The following MALRD1 variants were observed in gnomAD, a reference collection of about 807,000 sequenced individuals.
MALRD1 encodes the protein MAM and LDL-receptor class A domain-containing protein 1.
MALRD1 carries 247 observed loss-of-function variants against 242.1 expected under a neutral mutation model. That is an observed-to-expected ratio of 1.02 (90% CI 0.92 to 1.13). The LOEUF is 1.13. MALRD1 is among the 50% of genes most tolerant of loss of function. The pLI is 0.00. For synonymous variants in MALRD1, 995 were observed against 866.6 expected, an observed-to-expected ratio of 1.15 and a Z score of -2.60; for missense variants, 2,989 against 2,533.1, an observed-to-expected ratio of 1.18 and a Z score of -3.86.
chr10:19,349,636 T>C (rs1844285900), intron 25 of MALRD1, among the ~76,000 whole-genome samples: 1 of 152,196 alleles, frequency 6.6e-6, no homozygotes, highest in African/African-American at 2.4e-5. Context: ...GATAACTTAG[T>C]ACTTTCTCAG....
intron 29 of MALRD1, among the ~76,000 whole-genome samples, chr10:19,479,447 C>T (rs1836889407): frequency 6.6e-6 from 1 of 152,138 alleles, no homozygotes; most frequent in Admixed American, 6.5e-5. Flanking sequence ...AGGGTAAAGA[C>T]TGTGGTGCCA....
At chr10:19,582,226 A>C (rs963757094) in intron 33 of MALRD1, among the ~76,000 whole-genome samples, 2 of 151,992 alleles carry the variant, frequency 1.3e-5, no homozygotes, top group Non-Finnish European at 2.9e-5. Context: ...CTTTAGTTTA[A>C]TTAGATCCCA....
intron 31 of MALRD1, among the ~76,000 whole-genome samples, chr10:19,527,949 A>G (rs576974252): frequency 1.4e-5 from 2 of 146,568 alleles, no homozygotes; most frequent in Non-Finnish European, 3.0e-5. Context: ...GATTTAAAGA[A>G]AGTACGTTTT....
At chr10:19,499,379 GAACTTTGAGTAAA>G (rs1416248746) in intron 31 of MALRD1, among the ~76,000 whole-genome samples, 1 of 150,472 alleles carries the variant, frequency 6.6e-6, no homozygotes, top group African/African-American at 2.4e-5. Context: ...TTAAATTGAT[GAACTTTGAGTAAA>G]GTGGATTGCC....
intron 26 of MALRD1, among the ~76,000 whole-genome samples, chr10:19,385,315 A>T (rs1846029807): frequency 6.6e-6 from 1 of 152,056 alleles, no homozygotes; most frequent in African/African-American, 2.4e-5. Context: ...TTTGAGAAGG[A>T]TTAATGGCAA....
At chr10:19,293,413 C>G (rs1274308589) in intron 21 of MALRD1, among the ~76,000 whole-genome samples, 1 of 152,194 alleles carries the variant, frequency 6.6e-6, no homozygotes, top group East Asian at 1.9e-4. Flanking sequence ...TCCCTCTAAA[C>G]ACACAAAACA....
chr10:19,230,966 T>C (rs1325754996), intron 18 of MALRD1, among the ~76,000 whole-genome samples: 2 of 152,152 alleles, frequency 1.3e-5, no homozygotes, highest in Non-Finnish European at 2.9e-5. Context: ...CCATGAATAA[T>C]TGGTTGTGGA....
chr10:19,255,082 G>A (rs768611271), intron 18 of MALRD1, among the ~76,000 whole-genome samples: 9 of 151,960 alleles, frequency 5.9e-5, no homozygotes, highest in East Asian at 3.9e-4. Flanking sequence ...CTGTCTTTAC[G>A]TGGAGCAGGT....
intron 28 of MALRD1, among the ~76,000 whole-genome samples, chr10:19,398,591 T>C (rs1057010703): frequency 3.3e-5 from 5 of 152,142 alleles, no homozygotes; most frequent in Non-Finnish European, 7.4e-5. Context: ...TTGAAGAAAA[T>C]ACCAGAACTT....
chr10:19,161,510 AAT>A (rs1274659516), intron 12 of MALRD1, among the ~76,000 whole-genome samples: 46 of 133,034 alleles, frequency 3.5e-4, no homozygotes, highest in Admixed American at 6.7e-4. Flanking sequence ...TAATAAAAAA[AAT>A]AAATAAATAA....
At chr10:19,191,193 C>T (rs1818098669) in intron 14 of MALRD1, among the ~76,000 whole-genome samples, 2 of 152,140 alleles carry the variant, frequency 1.3e-5, no homozygotes, top group African/African-American at 2.4e-5. Context: ...ATGGACATTT[C>T]TCCAATAAGC....
intron 2 of MALRD1, among the ~76,000 whole-genome samples, chr10:19,076,231 TAA>T (rs1835312944): frequency 6.6e-6 from 1 of 152,050 alleles, no homozygotes; most frequent in Admixed American, 6.6e-5. Flanking sequence ...GTAATTTTGA[TAA>T]AGTCAAATTT....
intron 29 of MALRD1, among the ~76,000 whole-genome samples, chr10:19,481,454 G>C (rs980887706): frequency 6.6e-6 from 1 of 152,188 alleles, no homozygotes; most frequent in Non-Finnish European, 1.5e-5. Context: ...ATCATTGGCA[G>C]TGCTGAGATG....
intron 31 of MALRD1, among the ~76,000 whole-genome samples, chr10:19,508,759 A>G (rs1203797916): frequency 6.6e-6 from 1 of 152,212 alleles, no homozygotes; most frequent in South Asian, 2.1e-4. Flanking sequence ...TGGCTACTAA[A>G]TATTCTAAAA....
chr10:19,236,662 C>A (rs1403616015), intron 18 of MALRD1, among the ~76,000 whole-genome samples: 1 of 152,064 alleles, frequency 6.6e-6, no homozygotes, highest in Admixed American at 6.6e-5. Context: ...TTCAAAAGCA[C>A]ATAAAAAGGA....
At chr10:19,307,505 T>A (rs1785030710) in intron 21 of MALRD1, among the ~76,000 whole-genome samples, 1 of 151,492 alleles carries the variant, frequency 6.6e-6, no homozygotes, top group Non-Finnish European at 1.5e-5. Context: ...TAAAATACAG[T>A]TTCAGTGATA....
chr10:19,700,719 A>C (rs1833583635), intron 38 of MALRD1, among the ~76,000 whole-genome samples: 1 of 152,112 alleles, frequency 6.6e-6, no homozygotes, highest in Non-Finnish European at 1.5e-5. Context: ...CGTAATCTCC[A>C]AACAAAAGGC....
intron 14 of MALRD1, among the ~76,000 whole-genome samples, chr10:19,178,280 AG>A (rs1835345640): frequency 6.6e-6 from 1 of 152,336 alleles, no homozygotes; most frequent in Admixed American, 6.5e-5. Context: ...AAGGAAAAAA[AG>A]GCATTTCTTA....
chr10:19,719,203 T>TAC (rs1554830400), intron 38 of MALRD1, among the ~76,000 whole-genome samples: 2 of 98,302 alleles, frequency 2.0e-5, no homozygotes, highest in Non-Finnish European at 3.6e-5. Flanking sequence ...TACATATATA[T>TAC]ATATATATAC....
Sources: gnomAD v4.1 joint callset for allele counts (sites outside exome capture counted in the v4.1 genomes callset) on GRCh38, gnomAD v4.1.1 for gene constraint, MANE v1.5 for transcripts, NCBI Gene and HGNC (gene_info 2026-07-23, HGNC 2026-07-21) for gene names.